PIKFYVE: variants seen among roughly 807,000 people sequenced by gnomAD.
PIKFYVE encodes phosphoinositide kinase, FYVE-type zinc finger containing, also known as 1-phosphatidylinositol 3-phosphate 5-kinase.
PIKFYVE carries 122 observed loss-of-function variants against 257.9 expected under a neutral mutation model. The ratio of observed to expected loss-of-function variants is 0.47; its 90% CI spans 0.41 to 0.55. PIKFYVE has a LOEUF of 0.55. Among genes scored for constraint, PIKFYVE ranks in the 20% least tolerant of loss-of-function variants. PIKFYVE has a pLI of 0.00. For synonymous variants in PIKFYVE, 892 were observed against 868.9 expected (o/e 1.03, Z -0.47); for missense variants, 2,160 against 2,536.6 (o/e 0.85, Z 3.19).
intron 12 of PIKFYVE, chr2:208,305,349 T>G: frequency 8.7e-7 from 1 of 1,153,360 alleles, no homozygotes; most frequent in Admixed American, 4.2e-5. Context: ...CTCTATTCTT[T>G]TCTCTTTCTT....
At chr2:208,348,599 A>AAGTGTGT (rs559057437) in intron 35 of PIKFYVE, among the ~76,000 whole-genome samples, 4 of 128,986 alleles carry the variant, frequency 3.1e-5, no homozygotes, top group Non-Finnish European at 4.8e-5. Context: ...AAAAAAAAAA[A>AAGTGTGT]GTGTGTGTGT....
intron 28 of PIKFYVE, among the ~76,000 whole-genome samples, chr2:208,337,202 G>A (rs1348755522): frequency 6.6e-6 from 1 of 152,194 alleles, no homozygotes; most frequent in Non-Finnish European, 1.5e-5. Flanking sequence ...GTGACAGCAA[G>A]TGCTACAGAG....
intron 7 of PIKFYVE, among the ~76,000 whole-genome samples, chr2:208,297,064 A>T (rs1574497855): frequency 6.6e-6 from 1 of 152,208 alleles, no homozygotes; most frequent in Admixed American, 6.5e-5. Flanking sequence ...TTTACAGTCT[A>T]TCTCCATGTG....
chr2:208,293,269 A>T (rs1001719144), intron 7 of PIKFYVE, among the ~76,000 whole-genome samples: 9 of 152,110 alleles, frequency 5.9e-5, no homozygotes, highest in African/African-American at 2.2e-4. Flanking sequence ...GCATGCGTAC[A>T]TACATAATTG....
chr2:208,271,311 G>T (rs1689389834), intron 1 of PIKFYVE, among the ~76,000 whole-genome samples, 200 bp from the exon 2 acceptor site: 1 of 152,186 alleles, frequency 6.6e-6, no homozygotes, highest in African/African-American at 2.4e-5. Context: ...GATCATAGTT[G>T]TAGATGATTG....
chr2:208,342,532 T>C, intron 31 of PIKFYVE, 22 bp from the exon 32 acceptor site: 4 of 1,565,728 alleles, frequency 2.6e-6, no homozygotes, highest in Non-Finnish European at 2.6e-6. Context: ...AGTTAACTTA[T>C]GTATTTTAAA....
Position 208,301,099 on chromosome 2 carries a change from T to A in PIKFYVE, c.1208+5T>A, listed in dbSNP as rs1258555592. The A allele has an allele frequency of 6.2e-7, 1 of 1,613,812 alleles. No individual in the cohort carries two copies. Among genetic ancestry groups the A allele is most frequent in the South Asian group, 1.1e-5 (1 of 91,072 alleles). On this transcript the variant is annotated splice_donor_5th_base_variant and intron_variant, in intron 9 of 41. Coordinates refer to ENST00000264380, the MANE Select transcript of PIKFYVE (RefSeq NM_015040.4). ...AAATGGGCATATTGCCACAAGGTAT[T>A]CTGATCTTAGAAGGTTTCAATATTA...
chr2:208,304,986 G>C lies in PIKFYVE; in HGVS notation c.1609G>C (p.Val537Leu). Residue 537 changes from valine (V) to leucine (L), a missense_variant, in exon 12 of 42, where the codon GTG (valine) becomes CTG (leucine). Physicochemically the swap from Val to Leu is conservative, Grantham distance 32. Coordinates refer to ENST00000264380, the MANE Select transcript of PIKFYVE (RefSeq NM_015040.4). ...HIKKPSKYPH[V>L]PPHPADQKEY... ...CAAGAAGCCCTCCAAGTACCCACAT[G>C]TGCCCCCTCACCCTGCTGACCAAAA... The C allele has an allele frequency of 6.2e-7, 1 of 1,614,104 alleles. No individual in the cohort carries two copies. Among genetic ancestry groups the C allele is most frequent in the Non-Finnish European group, 8.5e-7 (1 of 1,180,004 alleles).
chr2:208,296,773 T>A (rs1693043000), intron 7 of PIKFYVE, among the ~76,000 whole-genome samples: 1 of 152,114 alleles, frequency 6.6e-6, no homozygotes, highest in Non-Finnish European at 1.5e-5. Flanking sequence ...GAGAAAGTTT[T>A]TCAAGGAAAG....
At chr2:208,303,341 C>G (rs190319890) in intron 10 of PIKFYVE, among the ~76,000 whole-genome samples, 2 of 151,592 alleles carry the variant, frequency 1.3e-5, no homozygotes, top group Non-Finnish European at 2.9e-5. Context: ...GGATACTGAC[C>G]CCCTGTATAG....
intron 17 of PIKFYVE, among the ~76,000 whole-genome samples, chr2:208,322,454 G>GT (rs1245482488): frequency 2.2e-5 from 3 of 137,624 alleles, no homozygotes; most frequent in African/African-American, 5.4e-5. Flanking sequence ...TGTTGTTCTT[G>GT]TTTTTTTTTA....
rs1691501589 is a variant in PIKFYVE, at chr2:208,285,842, T to C, written c.730T>C (p.Ser244Pro). Residue 244 changes from serine to proline, a missense_variant, in exon 6 of 42, where the codon TCT (serine) becomes CCT (proline). Ser to Pro is a moderately conservative substitution (Grantham distance 74). Around this residue, in one of 12 missense-constraint regions of PIKFYVE, gnomAD observed 187 missense variants for 185.6 expected, o/e 1.01. Transcript: ENST00000264380. The part of the protein sequence containing the change: ...NALSDSACSV[S>P]VLDPSEPRTP... The stretch of plus-strand genomic sequence containing the variant: ...TCTTTCAGATTCTGCTTGCTCTGTG[T>C]CTGTGCTTGATCCAAGTGAACCCCG... 1 of 1,614,042 alleles carries C rather than the reference T, an allele frequency of 6.2e-7. No homozygotes were observed. Among genetic ancestry groups the C allele is most frequent in the African/African-American group, 1.3e-5 (1 of 74,930 alleles).
rs754417925 is a variant in PIKFYVE at position 208,302,303 on chromosome 2, C to T, written c.1270C>T (p.His424Tyr). Residue 424 changes from histidine (H) to tyrosine (Y), a missense_variant, in exon 10 of 42, where the codon CAT (histidine) becomes TAT (tyrosine). Physicochemically the swap from His to Tyr is moderately conservative, Grantham distance 83. Around this residue, in one of 12 missense-constraint regions of PIKFYVE, gnomAD observed 90 missense variants for 110.6 expected, o/e 0.81. Transcript: ENST00000264380. ...TGGACGTTGGCTGGATTGTGTTAGT[C>T]ATCACGACCAGCTTTTCAGAGATGA... ...VDGRWLDCVS[H>Y]HDQLFRDEYA... is the part of the protein sequence containing the mutation. The T allele has an allele frequency of 6.8e-6, 11 of 1,614,014 alleles. No homozygotes were observed. Among genetic ancestry groups the T allele is most frequent in the African/African-American group, 6.7e-5 (5 of 74,926 alleles).
At chr2:208,300,389 G>C (rs1320643831) in intron 8 of PIKFYVE, among the ~76,000 whole-genome samples, 1 of 152,302 alleles carries the variant, frequency 6.6e-6, no homozygotes, top group Admixed American at 6.5e-5. Context: ...GAGTCTGGGG[G>C]CAATGAGAAA....
chr2:208,339,860 A>T, intron 30 of PIKFYVE, 151 bp from the exon 31 acceptor site: 1 of 949,572 alleles, frequency 1.1e-6, no homozygotes, highest in Non-Finnish European at 1.6e-6. Context: ...TTTATCCCAT[A>T]GTGGTCTTTT....
At chr2:208,338,396 A>T in intron 28 of PIKFYVE, 112 bp from the exon 29 acceptor site, 1 of 759,472 alleles carries the variant, frequency 1.3e-6, no homozygotes, top group Non-Finnish European at 2.2e-6. Flanking sequence ...GTAATTTTTT[A>T]ACGGTATAAA....
intron 32 of PIKFYVE, 145 bp downstream of exon 32, chr2:208,342,794 C>CTT (rs35986928): frequency 0.05 from 18,880 of 375,246 alleles, 11 homozygotes; most frequent in South Asian, 0.075. Context: ...ATAGCTTGTT[C>CTT]TTTTTTTTTT....
At position 208,326,175 on chromosome 2, in the gene PIKFYVE, G is replaced by A; in HGVS notation, c.3364G>A (p.Ala1122Thr). The change falls in exon 20 of 42, where the codon GCC (alanine) becomes ACC (threonine). Residue 1122 changes from alanine (A) to threonine (T), a missense_variant. By Grantham distance (58) the Ala-to-Thr change is moderately conservative. Transcript: ENST00000264380. The part of the protein sequence containing the change: ...GLQGMNGSIQ[A>T]KSIQVLPSHE... The stretch of plus-strand genomic sequence containing the variant: ...TCAGGGCATGAATGGAAGTATTCAG[G>A]CCAAGTCTATTCAAGTCTTACCCTC... The A allele has an allele frequency of 1.2e-6, 2 of 1,612,888 alleles. No individual in the cohort carries two copies. Among genetic ancestry groups the A allele is most frequent in the Non-Finnish European group, 1.7e-6 (2 of 1,179,502 alleles).
In PIKFYVE at chr2:208,350,305, GCT is replaced by G. The variant is rs544577497; in HGVS notation, c.5434+225_5434+226del. ...AAAGTATAATTTATTTGTAAATTAT[GCT>G]CTTATTTCTAATAGTTAAACATTTA... On this transcript the variant is annotated intron_variant, in intron 36 of 41. Coordinates refer to ENST00000264380, the MANE Select transcript of PIKFYVE (RefSeq NM_015040.4). 2.6e-3 allele frequency among the ~76,000 whole-genome samples: 397 copies of G among 152,136 alleles called. 1 individual carries two copies. Among genetic ancestry groups the G allele is most frequent in the African/African-American group, 8.6e-3 (357 of 41,530 alleles).
Sources: allele counts gnomAD v4.1 joint callset (sites outside exome capture counted in the v4.1 genomes callset), GRCh38; gene constraint gnomAD v4.1.1; regional missense constraint gnomAD v4.1.1; transcripts MANE v1.5; gene names NCBI Gene and HGNC (gene_info 2026-07-23, HGNC 2026-07-21).